Variants in HDAC10 observed in about 807,000 individuals in gnomAD.
The protein encoded by HDAC10 is histone deacetylase 10, also known as polyamine deacetylase HDAC10.
Under a neutral mutation model 82.3 loss-of-function variants are expected in HDAC10, and 90 were observed. That is an observed-to-expected ratio of 1.09 (90% confidence interval 0.92 to 1.30). The LOEUF is 1.30. Ranked by LOEUF, HDAC10 falls within the 50% of genes most tolerant of loss-of-function variation. The pLI is 0.00. For synonymous variants in HDAC10, 456 were observed against 391.7 expected (o/e 1.16, Z -1.94); for missense variants, 934 against 876.3 (o/e 1.07, Z -0.83).
At position 50,250,955 on chromosome 22, in the gene HDAC10, T is replaced by C. The variant is rs1178394395; in HGVS notation, c.59+19A>G. ...CAGAGGTCCCTCCCCGCACCCCACC[T>C]CGGCCAGGTCCCACTTACTCGTCCC... On this transcript the variant is annotated intron_variant, in intron 1 of 19. Coordinates refer to ENST00000216271, the MANE Select transcript of HDAC10 (RefSeq NM_032019.6). The C allele has an allele frequency of 1.2e-6, 2 of 1,611,398 alleles. No individual in the cohort carries two copies. The highest frequency in any genetic ancestry group is 1.7e-6 in the Non-Finnish European group (2 of 1,179,102).
Position 50,245,477 on chromosome 22 carries a change from G to T in HDAC10, c.*30C>A, listed in dbSNP as rs1283250274. 1 of 787,280 alleles carries T rather than the reference G, an allele frequency of 1.3e-6. No homozygotes were observed. The highest frequency in any genetic ancestry group is 2.3e-6 in the Non-Finnish European group (1 of 433,386). 48.8% of individuals were successfully genotyped at this position (787,280 alleles called of 1,614,324 possible). On this transcript the variant is annotated 3_prime_UTR_variant, in exon 20 of 20. Transcript: ENST00000216271. The stretch of plus-strand genomic sequence containing the variant: ...GGCGCTGGCGTGCGGTGTCATTTCT[G>T]CGGTGTAAATGCTCCCACCTTGGCC...
At chr22:50,246,178 G>C in intron 17 of HDAC10, 86 bp from the exon 18 acceptor site, 1 of 1,532,108 alleles carries the variant, frequency 6.5e-7, no homozygotes. Context: ...GGCCCCTGGA[G>C]TAGGAGCAGG....
chr22:50,249,671 C>G lies in HDAC10; in HGVS notation c.527G>C (p.Gly176Ala). 6.2e-7 allele frequency: 1 copy of G among 1,612,932 alleles called. No homozygotes were observed. Among genetic ancestry groups the G allele is most frequent in the Non-Finnish European group, 8.5e-7 (1 of 1,179,986 alleles). ...CTCAAAGAGATACTGGATCCCCTGG[C>G]CATGGTGCACATCCCAGTCCACGAC... ...ILVVDWDVHH[G>A]QGIQYLFEDD... The change falls in exon 6 of 20, where the codon GGC (glycine) becomes GCC (alanine). Residue 176 changes from glycine to alanine, a missense_variant. Transcript: ENST00000216271. The surrounding 1 kb of genome is among the most constrained non-coding windows in gnomAD (Gnocchi z 4.4).
rs1474958166 is a variant in HDAC10 at position 50,248,337 on chromosome 22, G to C, written c.1013+29C>G. 1 of 1,611,250 alleles carries C rather than the reference G, an allele frequency of 6.2e-7. No homozygotes were observed. The highest frequency in any genetic ancestry group is 8.5e-7 in the Non-Finnish European group (1 of 1,179,656). On this transcript the variant is annotated intron_variant, in intron 11 of 19. Transcript: ENST00000216271. This position sits in a 1 kb window ranked among gnomAD's most constrained non-coding sequence, Gnocchi z 5.4. ...GTCGTGACACCTGGTCTCACACCCCGGCCCTGCCCGCCCTACCTCCCCTCG... is the reference window on the plus strand; with the variant it reads ...GTCGTGACACCTGGTCTCACACCCCCGCCCTGCCCGCCCTACCTCCCCTCG...
chr22:50,249,438 A>G lies in HDAC10; in HGVS notation c.580T>C (p.Trp194Arg). 1.2e-6 allele frequency: 2 copies of G among 1,612,682 alleles called. No homozygotes were observed. The highest frequency in any genetic ancestry group is 1.7e-6 in the Non-Finnish European group (2 of 1,179,924). Residue 194 changes from tryptophan to arginine, a missense_variant, in exon 7 of 20, where the codon TGG (tryptophan) becomes CGG (arginine). Physicochemically the swap from Trp to Arg is moderately radical, Grantham distance 101 (BLOSUM62 -3). Transcript: ENST00000216271. The surrounding 1 kb of genome is among the most constrained non-coding windows in gnomAD (Gnocchi z 4.4). ...AAGCGCCCATGCTCATAGCGGTGCCAGGAGAAGTAAAGGACGCTGCCAACA... is the reference window on the plus strand; with the variant it reads ...AAGCGCCCATGCTCATAGCGGTGCCGGGAGAAGTAAAGGACGCTGCCAACA... ...EDDPSVLYFS[W>R]HRYEHGRFWP... is the part of the protein sequence containing the mutation.
At position 50,249,871 on chromosome 22, in the gene HDAC10, G is replaced by T. The variant is rs769079660; in HGVS notation, c.483C>A (p.His161Gln). 3 of 1,612,360 alleles carry T rather than the reference G, an allele frequency of 1.9e-6. No individual in the cohort carries two copies. Among genetic ancestry groups the T allele is most frequent in the African/African-American group, 2.7e-5 (2 of 75,004 alleles). Residue 161 changes from histidine to glutamine, a missense_variant, in exon 5 of 20, where the codon CAC (histidine) becomes CAA (glutamine). Coordinates refer to ENST00000216271, the MANE Select transcript of HDAC10 (RefSeq NM_032019.6). This position sits in a 1 kb window ranked among gnomAD's most constrained non-coding sequence, Gnocchi z 4.4. ...AIAAAHAKQK[H>Q]GLHRILVVDW... Reference sequence around the variant, plus strand: ...AGCCTGGCACACACCTGTGTAGCCCGTGTTTCTGCTTGGCATGTGCAGCTG... The same window carrying T: ...AGCCTGGCACACACCTGTGTAGCCCTTGTTTCTGCTTGGCATGTGCAGCTG...
Position 50,248,053 on chromosome 22 carries a change from C to G in HDAC10, c.1174G>C (p.Ala392Pro), listed in dbSNP as rs560148776. ...LPGGPVCKAA[A>P]SAPSSLLDQP... Reference sequence around the variant, plus strand: ...TCCAGGAGGGAGCTCGGTGCAGATGCAGCTGCCTTACACACTGGACCCCCA... The same window carrying G: ...TCCAGGAGGGAGCTCGGTGCAGATGGAGCTGCCTTACACACTGGACCCCCA... Residue 392 changes from alanine to proline, a missense_variant, in exon 13 of 20, where the codon GCA (alanine) becomes CCA (proline). Coordinates refer to ENST00000216271, the MANE Select transcript of HDAC10 (RefSeq NM_032019.6). This position sits in a 1 kb window ranked among gnomAD's most constrained non-coding sequence, Gnocchi z 5.4. 1.2e-6 allele frequency: 2 copies of G among 1,610,240 alleles called. No individual in the cohort carries two copies. The highest frequency in any genetic ancestry group is 1.7e-5 in the Admixed American group (1 of 59,856).
In HDAC10 at chr22:50,249,722, G is replaced by A; in HGVS notation, c.495-19C>T. 1 of 1,612,336 alleles carries A rather than the reference G, an allele frequency of 6.2e-7. No homozygotes were observed. The highest frequency in any genetic ancestry group is 2.2e-5 in the East Asian group (1 of 44,876). On this transcript the variant is annotated intron_variant, in intron 5 of 19. Coordinates refer to ENST00000216271, the MANE Select transcript of HDAC10 (RefSeq NM_032019.6). The surrounding 1 kb of genome is among the most constrained non-coding windows in gnomAD (Gnocchi z 4.4). ...GAGGATCCTGGGTACAGACAGCGCTGGTGGCAAAGGGGCAGGGCCTCCCAC... is the reference window on the plus strand; with the variant it reads ...GAGGATCCTGGGTACAGACAGCGCTAGTGGCAAAGGGGCAGGGCCTCCCAC...
chr22:50,250,046 G>C lies in HDAC10; in HGVS notation c.389+17C>G, dbSNP rs1209059070. ...GCCACCCACGGAGGAGCAGCCAGGG[G>C]AAGGGGCAGCTCTCACCTCACCAGG... On this transcript the variant is annotated intron_variant, in intron 4 of 19. Transcript: ENST00000216271. 6.2e-7 allele frequency: 1 copy of C among 1,610,146 alleles called. No individual in the cohort carries two copies. Among genetic ancestry groups the C allele is most frequent in the East Asian group, 2.2e-5 (1 of 44,862 alleles).
In HDAC10 at chr22:50,248,481, A is replaced by T. The variant is rs772519894; in HGVS notation, c.907-9T>A. ...TCCAGGTGGTAGCCGCCCTGGGAGG[A>T]GGGTGGAGACATGATTGGGGCAGAG... On this transcript the variant is annotated splice_polypyrimidine_tract_variant and intron_variant, in intron 10 of 19. Coordinates refer to ENST00000216271, the MANE Select transcript of HDAC10 (RefSeq NM_032019.6). The surrounding 1 kb of genome is among the most constrained non-coding windows in gnomAD (Gnocchi z 5.4). 1.1e-5 allele frequency: 17 copies of T among 1,602,228 alleles called. No homozygotes were observed. In the South Asian group the frequency reaches 1.9e-4, roughly 18 times the overall value.
chr22:50,250,850 GCAGGCGATCCAGGGCTGCGGT>G lies in HDAC10; in HGVS notation c.94_114del (p.Thr32_Leu38del), dbSNP rs2147247381. 2 of 1,602,394 alleles carry G rather than the reference GCAGGCGATCCAGGGCTGCGGT, an allele frequency of 1.2e-6. No individual in the cohort carries two copies. Among genetic ancestry groups the G allele is most frequent in the East Asian group, 4.5e-5 (2 of 44,188 alleles). ...CACCTCTGTTCCAGGCCGCGCTGCCGCAGGCGATCCAGGGCTGCGGTCAGGCGCTCAGGACGCTCGATCTCG... is the reference window on the plus strand; with the variant it reads ...CACCTCTGTTCCAGGCCGCGCTGCCGCAGGCGCTCAGGACGCTCGATCTCG... On this transcript the variant is annotated inframe_deletion, in exon 2 of 20. Transcript: ENST00000216271.
intron 15 of HDAC10, 39 bp downstream of exon 15, chr22:50,246,836 C>CTG (rs748801106): frequency 3.8e-6 from 6 of 1,596,984 alleles, no homozygotes; most frequent in Admixed American, 1.7e-5. Context: ...GCCCACAGGT[C>CTG]CTGCCGTCAG....
rs932649502 is a variant in HDAC10, at chr22:50,248,953, G to A, written c.757-63C>T. ...GGGGCTGGAGCCCAGGTGAGGGCGA[G>A]CCAGGCCCATCCCATCCCCTCCTGA... On this transcript the variant is annotated intron_variant, in intron 8 of 19. Coordinates refer to ENST00000216271, the MANE Select transcript of HDAC10 (RefSeq NM_032019.6). This position sits in a 1 kb window ranked among gnomAD's most constrained non-coding sequence, Gnocchi z 5.4. 43 of 1,547,618 alleles carry A rather than the reference G, an allele frequency of 2.8e-5. No individual in the cohort carries two copies. Among genetic ancestry groups the A allele is most frequent in the East Asian group, 1.4e-4 (6 of 42,976 alleles).
Position 50,249,123 on chromosome 22 carries a change from G to C in HDAC10, c.736C>G (p.Leu246Val), listed in dbSNP as rs1461963232. ...ADYVAAFLHL[L>V]LPLAFEFDPE... is the part of the protein sequence containing the mutation. ...GTCACCTCAAAGGCCAGTGGGAGCA[G>C]CAGGTGCAGGAAGGCAGCCACGTAG... is the stretch of plus-strand genomic sequence containing the variant. Residue 246 changes from leucine (L) to valine (V), a missense_variant, in exon 8 of 20, where the codon CTG becomes GTG. Coordinates refer to ENST00000216271, the MANE Select transcript of HDAC10 (RefSeq NM_032019.6). The surrounding 1 kb of genome is among the most constrained non-coding windows in gnomAD (Gnocchi z 4.4). 1 of 1,603,200 alleles carries C rather than the reference G, an allele frequency of 6.2e-7. No individual in the cohort carries two copies. The highest frequency in any genetic ancestry group is 1.1e-5 in the South Asian group (1 of 88,944).
At chr22:50,246,790 C>A (rs2064961167) in intron 15 of HDAC10, 55 bp from the exon 16 acceptor site, 2 of 1,603,314 alleles carry the variant, frequency 1.2e-6, no homozygotes, top group Admixed American at 3.3e-5. Flanking sequence ...AGTCCATTCC[C>A]AGAACTCTCT....
In HDAC10 at chr22:50,249,706, G is replaced by T; in HGVS notation, c.495-3C>A. 6.2e-7 allele frequency: 1 copy of T among 1,612,798 alleles called. No homozygotes were observed. The highest frequency in any genetic ancestry group is 8.5e-7 in the Non-Finnish European group (1 of 1,179,954). On this transcript the variant is annotated splice_region_variant and splice_polypyrimidine_tract_variant and intron_variant, in intron 5 of 19. Coordinates refer to ENST00000216271, the MANE Select transcript of HDAC10 (RefSeq NM_032019.6). The surrounding 1 kb of genome is among the most constrained non-coding windows in gnomAD (Gnocchi z 4.4). ...CATCCCAGTCCACGACGAGGATCCT[G>T]GGTACAGACAGCGCTGGTGGCAAAG...
chr22:50,248,468 C>T lies in HDAC10; in HGVS notation c.911G>A (p.Gly304Asp). 1 of 1,605,922 alleles carries T rather than the reference C, an allele frequency of 6.2e-7. No individual in the cohort carries two copies. The change falls in exon 11 of 20, where the codon GGC (glycine) becomes GAC (aspartate). Residue 304 changes from glycine to aspartate, a missense_variant. Physicochemically the swap from Gly to Asp is moderately conservative, Grantham distance 94. Transcript: ENST00000216271. This position sits in a 1 kb window ranked among gnomAD's most constrained non-coding sequence, Gnocchi z 5.4. ...CTCCGCCAGTGACTCCAGGTGGTAG[C>T]CGCCCTGGGAGGAGGGTGGAGACAT... ...GGRVCAVLEGGYHLESLAESV... is the reference protein window; with the variant it reads ...GGRVCAVLEGDYHLESLAESV...
Position 50,251,109 on chromosome 22 carries a change from C to T in HDAC10, c.-77G>A. The T allele has an allele frequency of 6.8e-7, 1 of 1,465,392 alleles. No homozygotes were observed. Among genetic ancestry groups the T allele is most frequent in the Non-Finnish European group, 9.3e-7 (1 of 1,073,314 alleles). The allele number at this position is 1,465,392 out of a possible 1,614,324, so 90.8% of individuals were successfully genotyped here. ...GCCACTGCCTGTCCCCACCTTCGGC[C>T]GGGAGCAGCCGGAGGCCTGGGACCT... On this transcript the variant is annotated 5_prime_UTR_variant, in exon 1 of 20. Coordinates refer to ENST00000216271, the MANE Select transcript of HDAC10 (RefSeq NM_032019.6).
At chr22:50,247,569 A>C in intron 14 of HDAC10, 123 bp downstream of exon 14, 2 of 691,880 alleles carry the variant, frequency 2.9e-6, no homozygotes, top group Non-Finnish European at 4.9e-6. Context: ...GCACAAGGCA[A>C]TGTTCACATC....
Sources: gnomAD v4.1 joint callset for allele counts on GRCh38, gnomAD v4.1.1 for gene constraint, Gnocchi (gnomAD v3.1) non-coding constraint, MANE v1.5 for transcripts, NCBI Gene and HGNC (gene_info 2026-07-23, HGNC 2026-07-21) for gene names.